The following RNASE9 variants were observed in gnomAD, a reference collection of about 807,000 sequenced individuals.
RNASE9 encodes ribonuclease A family member 9 (inactive), also known as inactive ribonuclease-like protein 9.
For missense variants in RNASE9, 263 were observed against 247.1 expected (o/e 1.06, Z -0.43); for synonymous variants, 95 against 87.6 (o/e 1.08, Z -0.47).
At chr14:20,556,201 C>T in exon 3 of RNASE9, 5 of 419,894 alleles carry the variant, frequency 1.2e-5, no homozygotes, top group Non-Finnish European at 2.1e-5. Context: ...GCTGGTCATC[C>T]TTCCACTGCA....
intron 2 of RNASE9, among the ~76,000 whole-genome samples, chr14:20,558,961 CATGG>C (rs1883831251): frequency 6.6e-6 from 1 of 152,098 alleles, no homozygotes; most frequent in African/African-American, 2.4e-5. Flanking sequence ...TCTTTTTTCA[CATGG>C]TTTATACATA....
chr14:20,560,994 T>A (rs1423188009), upstream of RNASE9: 1 of 152,210 alleles, frequency 6.6e-6, no homozygotes, highest in Non-Finnish European at 1.5e-5. Flanking sequence ...TCTACTCTCC[T>A]TTGTACACTA....
chr14:20,556,304 G>C lies in RNASE9; in HGVS notation c.*148C>G, dbSNP rs1434964042. Reference sequence around the variant, plus strand: ...AGCACCGTCTGTGAACCTAGCCTAAGGTGCTTTTGTGAGGTGTTGGGAAAG... The same window carrying C: ...AGCACCGTCTGTGAACCTAGCCTAACGTGCTTTTGTGAGGTGTTGGGAAAG... On this transcript the variant is annotated 3_prime_UTR_variant, in exon 3 of 3. Coordinates refer to ENST00000555230, the Ensembl canonical transcript of RNASE9. 8 of 623,454 alleles carry C rather than the reference G, an allele frequency of 1.3e-5. No individual in the cohort carries two copies. In the East Asian group the frequency reaches 2.1e-4, roughly 17 times the overall value. The allele number at this position is 623,454 out of a possible 1,614,324, so 38.6% of individuals were successfully genotyped here.
chr14:20,560,916 G>T (rs1883929479), exon 1 of RNASE9: 1 of 152,172 alleles, frequency 6.6e-6, no homozygotes, highest in Non-Finnish European at 1.5e-5. Context: ...GAAGTTGGAA[G>T]TCCAAGAGGT....
At chr14:20,558,581 C>T (rs1016368588) in exon 3 of RNASE9, 19 of 1,551,008 alleles carry the variant, frequency 1.2e-5, no homozygotes, top group Middle Eastern at 1.7e-4. Flanking sequence ...AAAGAGTGAT[C>T]CCATGGTGAC....
chr14:20,557,144 G>A (rs750137637), exon 3 of RNASE9: 52 of 1,480,164 alleles, frequency 3.5e-5, no homozygotes, highest in Non-Finnish European at 4.0e-5. Flanking sequence ...TTTCCTGTGT[G>A]GGGCACAGTT....
exon 3 of RNASE9, chr14:20,557,382 G>A: frequency 3.3e-6 from 1 of 300,152 alleles, no homozygotes; most frequent in Non-Finnish European, 6.2e-6. Flanking sequence ...TGGAGCAAGA[G>A]AGAGATTAAG....
In RNASE9 at chr14:20,556,504, G is replaced by C. The variant is rs139642611; in HGVS notation, c.566C>G (p.Pro189Arg). Reference sequence around the variant, plus strand: ...CTCACTGAGGAAACTTCTGTGTTCAGGTGGCTCCACGAGATCATTTATAGT... The same window carrying C: ...CTCACTGAGGAAACTTCTGTGTTCACGTGGCTCCACGAGATCATTTATAGT... The change falls in exon 3 of 3, where the codon CCT becomes CGT. Residue 189 changes from proline to arginine, a missense_variant. Coordinates refer to ENST00000555230, the Ensembl canonical transcript of RNASE9. 9.3e-6 allele frequency: 15 copies of C among 1,613,506 alleles called. No individual in the cohort carries two copies. In the African/African-American group the frequency reaches 1.6e-4, roughly 17 times the overall value.
chr14:20,556,444 ACG>A, exon 3 of RNASE9: 1 of 1,579,246 alleles, frequency 6.3e-7, no homozygotes, highest in Non-Finnish European at 8.7e-7. Context: ...CTCTCAGAGA[ACG>A]CTCTGCTAGG....
chr14:20,556,681 C>T (rs1432667080), exon 3 of RNASE9: 1 of 1,613,636 alleles, frequency 6.2e-7, no homozygotes, highest in African/African-American at 1.3e-5. Context: ...GCTCCTGTTA[C>T]ATTTCCTAAT....
At chr14:20,560,439 C>G (rs1054819493) in intron 1 of RNASE9, 1 of 151,122 alleles carries the variant, frequency 6.6e-6, no homozygotes, top group African/African-American at 2.4e-5. Context: ...ATAGCTGATA[C>G]TTTTCTCTAG....
intron 1 of RNASE9, 25 bp downstream of exon 1, chr14:20,560,849 G>A (rs916355917): frequency 2.6e-5 from 4 of 152,160 alleles, no homozygotes; most frequent in African/African-American, 9.6e-5. Flanking sequence ...CTGGTTGACA[G>A]TGAGAAAAAT....
At chr14:20,556,527 A>G in exon 3 of RNASE9, 1 of 1,613,840 alleles carries the variant, frequency 6.2e-7, no homozygotes, top group South Asian at 1.1e-5. Context: ...GATCATTTAT[A>G]GTATGAGGAA....
rs141036350 is a variant in RNASE9 at position 20,557,133 on chromosome 14, A to G, written c.-64T>C. The G allele has an allele frequency of 2.6e-6, 4 of 1,525,992 alleles. No homozygotes were observed. The East Asian group carries it at 9.0e-5, about 34-fold the overall frequency. 94.5% of individuals were successfully genotyped at this position (1,525,992 alleles called of 1,614,324 possible). A position where few individuals can be genotyped will look rare whatever the true frequency, so the allele number is the denominator to read the frequency against. On this transcript the variant is annotated 5_prime_UTR_variant, in exon 3 of 3. Coordinates refer to ENST00000555230, the Ensembl canonical transcript of RNASE9. ...CTATTGTGATAATGTGCTTGCTTCC[A>G]TTTCCTGTGTGGGGCACAGTTATGC...
chr14:20,559,309 T>C (rs1333643884), intron 2 of RNASE9, among the ~76,000 whole-genome samples: 1 of 152,104 alleles, frequency 6.6e-6, no homozygotes, highest in African/African-American at 2.4e-5. Context: ...TCATTCCTCT[T>C]CTTATTCAAA....
chr14:20,560,160 A>G (rs1398793203), intron 1 of RNASE9, among the ~76,000 whole-genome samples: 1 of 152,162 alleles, frequency 6.6e-6, no homozygotes, highest in Non-Finnish European at 1.5e-5. Flanking sequence ...TAAGTTTAAG[A>G]TTAAAATTTA....
In RNASE9 at chr14:20,556,661, C is replaced by T. The variant is rs753929887; in HGVS notation, c.409G>A (p.Val137Ile). 3.7e-6 allele frequency: 6 copies of T among 1,613,416 alleles called. No homozygotes were observed. The South Asian group carries it at 4.4e-5, about 12-fold the overall frequency. ...GTTAAATTACAATACACTCCTTCTA[C>T]AAGACCTTTGCTCCTGTTACATTTC... Residue 137 changes from valine to isoleucine, a missense_variant, in exon 3 of 3, where the codon GTA becomes ATA. Physicochemically the swap from Val to Ile is conservative, Grantham distance 29 (BLOSUM62 3). Transcript: ENST00000555230.
chr14:20,558,669 G>A, intron 2 of RNASE9: 1 of 1,313,394 alleles, frequency 7.6e-7, no homozygotes, highest in Non-Finnish European at 1.1e-6. Context: ...AACATGGACA[G>A]TACACGTGTG....
exon 3 of RNASE9, chr14:20,557,078 C>T (rs1366003736): frequency 1.5e-5 from 24 of 1,598,472 alleles, no homozygotes; most frequent in Non-Finnish European, 2.0e-5. Flanking sequence ...ATTTTTCCTG[C>T]AGACACTAAA....
Sources: allele counts gnomAD v4.1 joint callset (sites outside exome capture counted in the v4.1 genomes callset), GRCh38; gene constraint gnomAD v4.1.1; transcripts MANE v1.5; gene names NCBI Gene and HGNC (gene_info 2026-07-23, HGNC 2026-07-21).